Variants in CSMD1 observed in about 807,000 individuals in gnomAD.
CSMD1 encodes CUB and sushi domain-containing protein 1.
A neutral mutation model predicts 417.5 loss-of-function variants in CSMD1; 213 were observed. That is an observed-to-expected ratio of 0.51 (90% CI 0.46 to 0.57). The LOEUF is 0.57. CSMD1 is among the 20% of genes least tolerant of loss of function. The probability of loss-of-function intolerance (pLI) is 0.00; values close to 1 mark genes in which losing one functional copy is unlikely to be tolerated. For missense variants in CSMD1, 6,923 were observed against 4,529.7 expected (o/e 1.53, Z -15.17); for synonymous variants, 2,862 against 1,736.8 (o/e 1.65, Z -16.11).
chr8:3,346,788 G>C (rs73173109), intron 22 of CSMD1, among the ~76,000 whole-genome samples: 25,356 of 152,182 alleles, frequency 0.17, 2,134 homozygotes, highest in Middle Eastern at 0.25. Flanking sequence ...AGTTCAAAGT[G>C]AGTTGACAAT....
At chr8:3,534,284 T>G (rs1217933417) in intron 10 of CSMD1, among the ~76,000 whole-genome samples, 1 of 152,182 alleles carries the variant, frequency 6.6e-6, no homozygotes, top group Non-Finnish European at 1.5e-5. Context: ...TTTTGAAAAT[T>G]TATTAATTTC....
chr8:4,353,368 T>C (rs1227018750), intron 3 of CSMD1, among the ~76,000 whole-genome samples: 1 of 152,172 alleles, frequency 6.6e-6, no homozygotes, highest in African/African-American at 2.4e-5. Flanking sequence ...ACCATGATTG[T>C]GAGGCCTCCC....
chr8:3,224,198 A>C (rs760040534), intron 27 of CSMD1, among the ~76,000 whole-genome samples: 1 of 152,240 alleles, frequency 6.6e-6, no homozygotes, highest in Non-Finnish European at 1.5e-5. Context: ...ATACCTGCCA[A>C]CGTGCACACA....
chr8:4,913,735 A>T (rs77747248), intron 1 of CSMD1, among the ~76,000 whole-genome samples: 1 of 152,198 alleles, frequency 6.6e-6, no homozygotes, highest in Non-Finnish European at 1.5e-5. Context: ...ACAAATCTGC[A>T]AGCGAGGGAG....
rs984398842 is a variant in CSMD1 at position 4,706,088 on chromosome 8, T to C, written c.86-68530A>G. Among the ~76,000 whole-genome samples the C allele has an allele frequency of 2.7e-5, 4 of 150,542 alleles. No individual in the cohort carries two copies. The South Asian group carries it at 8.3e-4, about 31-fold the overall frequency. On this transcript the variant is annotated intron_variant, in intron 1 of 69. Transcript: ENST00000635120. Reference sequence around the variant, plus strand: ...ATACATGATACATAAAATTTTAACATATAATATATAAAAACTATATATTTT... The same window carrying C: ...ATACATGATACATAAAATTTTAACACATAATATATAAAAACTATATATTTT...
intron 7 of CSMD1, among the ~76,000 whole-genome samples, chr8:3,675,142 C>T (rs1020287672): frequency 2.0e-5 from 3 of 152,140 alleles, no homozygotes; most frequent in African/African-American, 7.2e-5. Flanking sequence ...CATCATGGCT[C>T]AAGTGCCACT....
At chr8:3,117,191 C>G (rs1816924522) in intron 42 of CSMD1, among the ~76,000 whole-genome samples, 1 of 152,122 alleles carries the variant, frequency 6.6e-6, no homozygotes, top group South Asian at 2.1e-4. Context: ...CCACCTCAGC[C>G]TCTGGAGTAG....
intron 3 of CSMD1, among the ~76,000 whole-genome samples, chr8:4,092,400 G>C (rs1172855771): frequency 6.6e-6 from 1 of 152,050 alleles, no homozygotes; most frequent in Non-Finnish European, 1.5e-5. Flanking sequence ...GTAAGGCAAT[G>C]AACTTCATAT....
At position 3,228,015 on chromosome 8, in the gene CSMD1, G is replaced by A. The variant is rs188860610; in HGVS notation, c.4345+2025C>T. ...ACTCCTGATGTCAAGTGATCTGCCC[G>A]CCTTGGCCTCCTAAAGTGCTGGGAT... On this transcript the variant is annotated intron_variant, in intron 27 of 69. Transcript: ENST00000635120. 2.0e-3 allele frequency among the ~76,000 whole-genome samples: 308 copies of A among 152,170 alleles called. 3 individuals are homozygous for A. Among genetic ancestry groups the A allele is most frequent in the African/African-American group, 7.2e-3 (298 of 41,526 alleles).
rs903030276 is a variant in CSMD1 at position 3,232,134 on chromosome 8, C to G, written c.4154-1903G>C. ...GCGTAGAACATACCCTTCCCCATATCACCTTCTTCCTCCACTTCAGGGGAA... is the reference window on the plus strand; with the variant it reads ...GCGTAGAACATACCCTTCCCCATATGACCTTCTTCCTCCACTTCAGGGGAA... On this transcript the variant is annotated intron_variant, in intron 26 of 69. Transcript: ENST00000635120. Among the ~76,000 whole-genome samples, 57 of 152,314 alleles carry G rather than the reference C, an allele frequency of 3.7e-4. 1 individual carries two copies. Among genetic ancestry groups the G allele is most frequent in the Non-Finnish European group, 1.5e-5 (1 of 68,028 alleles).
intron 3 of CSMD1, among the ~76,000 whole-genome samples, chr8:4,175,558 C>G (rs945760349): frequency 6.6e-6 from 1 of 152,052 alleles, no homozygotes; most frequent in African/African-American, 2.4e-5. Flanking sequence ...AAAACCAGCC[C>G]TTAGATTTTT....
intron 1 of CSMD1, among the ~76,000 whole-genome samples, chr8:4,789,717 G>C (rs573833620): frequency 6.6e-6 from 1 of 152,234 alleles, no homozygotes; most frequent in African/African-American, 2.4e-5. Context: ...ATAAGATAAA[G>C]GTTGATTGTA....
intron 18 of CSMD1, among the ~76,000 whole-genome samples, chr8:3,383,688 A>C (rs985280833): frequency 9.8e-6 from 1 of 102,068 alleles, no homozygotes; most frequent in Non-Finnish European, 2.1e-5. Context: ...ACTGTATCTA[A>C]ATATTTACAC....
intron 2 of CSMD1, among the ~76,000 whole-genome samples, chr8:4,451,702 G>A (rs1019941777): frequency 6.6e-6 from 1 of 151,974 alleles, no homozygotes; most frequent in African/African-American, 2.4e-5. Context: ...AGTTCTTCCA[G>A]GCAAAGCTTT....
At chr8:4,809,647 T>C (rs914705339) in intron 1 of CSMD1, among the ~76,000 whole-genome samples, 4 of 152,238 alleles carry the variant, frequency 2.6e-5, no homozygotes, top group Non-Finnish European at 5.9e-5. Flanking sequence ...TATGTAATTT[T>C]AACTTTTCTA....
chr8:3,660,801 G>A (rs572530574), intron 7 of CSMD1, among the ~76,000 whole-genome samples: 3 of 152,230 alleles, frequency 2.0e-5, no homozygotes, highest in East Asian at 1.9e-4. Flanking sequence ...AATCACAGGC[G>A]TGAGCCACCC....
chr8:2,990,067 T>A (rs1806243897), intron 54 of CSMD1, among the ~76,000 whole-genome samples: 1 of 152,234 alleles, frequency 6.6e-6, no homozygotes. Flanking sequence ...GCTGTCCCCC[T>A]GTGTGGAGGT....
intron 2 of CSMD1, among the ~76,000 whole-genome samples, chr8:4,463,240 C>G (rs944337644): frequency 6.6e-6 from 1 of 152,114 alleles, no homozygotes; most frequent in Non-Finnish European, 1.5e-5. Context: ...TACTGAGATA[C>G]CAGTTCATGT....
intron 2 of CSMD1, among the ~76,000 whole-genome samples, chr8:4,537,763 C>T (rs1226393698): frequency 6.6e-6 from 1 of 152,138 alleles, no homozygotes; most frequent in Non-Finnish European, 1.5e-5. Context: ...TACCTGGCCT[C>T]GAATCACCAG....
Sources: gnomAD v4.1 joint callset for allele counts (sites outside exome capture counted in the v4.1 genomes callset) on GRCh38, gnomAD v4.1.1 for gene constraint, MANE v1.5 for transcripts, NCBI Gene and HGNC (gene_info 2026-07-23, HGNC 2026-07-21) for gene names.